The following OBI1 variants were observed in gnomAD, a reference collection of about 807,000 sequenced individuals.
The protein encoded by OBI1 is ring finger protein 219.
OBI1 carries 59 observed loss-of-function variants against 62.4 expected under a neutral mutation model. The observed-to-expected ratio is 0.95, with a 90% CI of 0.77 to 1.17. The LOEUF is 1.17. OBI1 is among the 50% of genes most tolerant of loss of function. OBI1 has a pLI of 0.00. For synonymous variants in OBI1, 302 were observed against 292.8 expected (o/e 1.03, Z -0.32); for missense variants, 875 against 830.9 (o/e 1.05, Z -0.65).
rs375560164 is a variant in OBI1 at position 78,616,876 on chromosome 13, G to T, written c.885C>A (p.Gly295=). The T allele has an allele frequency of 6.2e-7, 1 of 1,614,162 alleles. No homozygotes were observed. Among genetic ancestry groups the T allele is most frequent in the Admixed American group, 1.7e-5 (1 of 60,016 alleles). ...SEEDVVSKNQ[G]DSARKQPGSS... ...AGCCAGGCTGCTTTCTGGCACTATC[G>T]CCTTGATTCTTTGACACCACATCCT... The change falls in exon 6 of 6, where the codon GGC becomes GGA. Residue 295 remains glycine, a synonymous_variant. Coordinates refer to ENST00000282003, the MANE Select transcript of OBI1 (RefSeq NM_024546.4).
chr13:78,627,315 A>C (rs1875703934), intron 5 of OBI1, among the ~76,000 whole-genome samples: 1 of 151,442 alleles, frequency 6.6e-6, no homozygotes, highest in Non-Finnish European at 1.5e-5. Context: ...ATTCTAAAAA[A>C]AAAAAAAAAA....
intron 3 of OBI1, 56 bp downstream of exon 3, chr13:78,642,066 C>A: frequency 1.1e-6 from 1 of 942,824 alleles, no homozygotes; most frequent in Non-Finnish European, 1.7e-6. Context: ...TGAGGTAGGT[C>A]AGTTTTTACC....
At chr13:78,645,838 C>CG (rs766660979) in intron 1 of OBI1, among the ~76,000 whole-genome samples, 34 of 152,188 alleles carry the variant, frequency 2.2e-4, no homozygotes, top group Non-Finnish European at 4.3e-4. Flanking sequence ...TTAGGAGAGA[C>CG]GGGGTTTCAC....
intron 5 of OBI1, among the ~76,000 whole-genome samples, chr13:78,623,118 A>C (rs1299699949): frequency 6.6e-6 from 1 of 152,204 alleles, no homozygotes; most frequent in Admixed American, 6.5e-5. Context: ...TTTCCTCAAG[A>C]GAGTTTTCTC....
chr13:78,636,465 T>C (rs932678166), intron 4 of OBI1, among the ~76,000 whole-genome samples: 2 of 152,308 alleles, frequency 1.3e-5, no homozygotes, highest in African/African-American at 4.8e-5. Flanking sequence ...ATTTCAAAAA[T>C]TTGGCTATTA....
intron 1 of OBI1, among the ~76,000 whole-genome samples, chr13:78,647,319 G>A (rs1876415249): frequency 6.6e-6 from 1 of 152,214 alleles, no homozygotes; most frequent in Non-Finnish European, 1.5e-5. Flanking sequence ...GAATGTCTTG[G>A]TATAAAACCC....
At chr13:78,621,235 T>C (rs756732114) in intron 5 of OBI1, among the ~76,000 whole-genome samples, 9 of 152,214 alleles carry the variant, frequency 5.9e-5, no homozygotes, top group Non-Finnish European at 1.3e-4. Context: ...TGGTTTAATT[T>C]ACAAGTCACC....
intron 5 of OBI1, among the ~76,000 whole-genome samples, chr13:78,621,467 G>A (rs1875510715): frequency 6.6e-6 from 1 of 152,208 alleles, no homozygotes; most frequent in African/African-American, 2.4e-5. Context: ...AAAGTGTGCA[G>A]CTGGGCTGCT....
chr13:78,640,627 C>T (rs1183462136), intron 3 of OBI1, among the ~76,000 whole-genome samples: 2 of 151,834 alleles, frequency 1.3e-5, no homozygotes, highest in East Asian at 1.9e-4. Flanking sequence ...GATGAAACCT[C>T]GCCTCTACTA....
chr13:78,624,487 T>A (rs973324497), intron 5 of OBI1, among the ~76,000 whole-genome samples: 8 of 152,122 alleles, frequency 5.3e-5, no homozygotes, highest in Non-Finnish European at 1.2e-4. Context: ...TGAGACAGGA[T>A]CTCATCCTGT....
intron 1 of OBI1, among the ~76,000 whole-genome samples, chr13:78,648,019 T>A (rs1876435337): frequency 6.6e-6 from 1 of 152,098 alleles, no homozygotes; most frequent in Non-Finnish European, 1.5e-5. Flanking sequence ...TTCAAAGTCT[T>A]CTTCCAAAGT....
At chr13:78,639,558 C>G (rs1256819142) in intron 3 of OBI1, among the ~76,000 whole-genome samples, 1 of 149,220 alleles carries the variant, frequency 6.7e-6, no homozygotes, top group Non-Finnish European at 1.5e-5. Flanking sequence ...TTTATTGCGG[C>G]ATTATTCACA....
At chr13:78,631,780 C>G (rs1875860054) in intron 5 of OBI1, among the ~76,000 whole-genome samples, 1 of 152,040 alleles carries the variant, frequency 6.6e-6, no homozygotes, top group Admixed American at 6.5e-5. Flanking sequence ...AGGCTATCTG[C>G]CACATTGCTC....
chr13:78,620,725 G>A, intron 5 of OBI1: 1 of 449,350 alleles, frequency 2.2e-6, no homozygotes, highest in Admixed American at 2.4e-5. Flanking sequence ...TGACCTTTGA[G>A]GTGGTATAAC....
At chr13:78,655,411 C>A (rs1876671421) in intron 1 of OBI1, among the ~76,000 whole-genome samples, 1 of 151,798 alleles carries the variant, frequency 6.6e-6, no homozygotes, top group African/African-American at 2.4e-5. Flanking sequence ...GGGATGGTAC[C>A]TAACTTCTTC....
At chr13:78,639,398 T>C (rs1300099278) in intron 3 of OBI1, among the ~76,000 whole-genome samples, 3 of 152,192 alleles carry the variant, frequency 2.0e-5, no homozygotes, top group African/African-American at 7.2e-5. Flanking sequence ...TTGGTGGGAC[T>C]GTAAACTAGT....
chr13:78,637,579 C>G (rs566559286), intron 4 of OBI1, among the ~76,000 whole-genome samples: 2 of 152,262 alleles, frequency 1.3e-5, no homozygotes, highest in South Asian at 4.1e-4. Flanking sequence ...ACCAATGGCT[C>G]AAGAAGAACC....
intron 5 of OBI1, chr13:78,617,330 C>A: frequency 6.8e-6 from 3 of 440,608 alleles, no homozygotes; most frequent in Non-Finnish European, 1.2e-5. Context: ...AATAGCAAAA[C>A]CTAATAGGAT....
At chr13:78,619,869 C>T (rs1875453128) in intron 5 of OBI1, among the ~76,000 whole-genome samples, 1 of 152,182 alleles carries the variant, frequency 6.6e-6, no homozygotes, top group South Asian at 2.1e-4. Flanking sequence ...ACAGGGTTGA[C>T]ACCACAGGAT....
Sources: allele counts gnomAD v4.1 joint callset (sites outside exome capture counted in the v4.1 genomes callset), GRCh38; gene constraint gnomAD v4.1.1; transcripts MANE v1.5; gene names NCBI Gene and HGNC (gene_info 2026-07-23, HGNC 2026-07-21).